Variants in TBC1D5 observed in about 807,000 individuals in gnomAD.
The protein encoded by TBC1D5 is TBC1 domain family member 5.
A neutral mutation model predicts 100.3 loss-of-function variants in TBC1D5; 75 were observed. The ratio of observed to expected loss-of-function variants is 0.75; its 90% CI spans 0.62 to 0.91. TBC1D5 has a LOEUF of 0.91. Ranked by LOEUF, TBC1D5 falls within the 40% of genes least tolerant of loss-of-function variation. The probability of loss-of-function intolerance (pLI) is 0.00; values close to 1 mark genes in which losing one functional copy is unlikely to be tolerated. For synonymous variants in TBC1D5, 323 were observed against 325.6 expected, an observed-to-expected ratio of 0.99 and a Z score of 0.09; for missense variants, 910 against 942.4, an observed-to-expected ratio of 0.97 and a Z score of 0.45.
intron 1 of TBC1D5, among the ~76,000 whole-genome samples, chr3:17,657,391 A>T (rs547386440): frequency 7.1e-6 from 1 of 141,116 alleles, no homozygotes; most frequent in East Asian, 2.1e-4. Flanking sequence ...GCTGGAGTGC[A>T]GTGGCGCAAT....
At chr3:17,293,357 C>G (rs1041721751) in intron 14 of TBC1D5, among the ~76,000 whole-genome samples, 1 of 152,136 alleles carries the variant, frequency 6.6e-6, no homozygotes, top group African/African-American at 2.4e-5. Context: ...CACCTTATAA[C>G]TCAAAAAGTA....
At chr3:17,509,620 A>G (rs891110980) in intron 2 of TBC1D5, among the ~76,000 whole-genome samples, 3 of 152,006 alleles carry the variant, frequency 2.0e-5, no homozygotes, top group African/African-American at 4.8e-5. Flanking sequence ...GTTAATTGTT[A>G]TGACTGTCTT....
At chr3:17,472,365 C>T (rs530866291) in intron 3 of TBC1D5, among the ~76,000 whole-genome samples, 2 of 152,050 alleles carry the variant, frequency 1.3e-5, no homozygotes, top group Non-Finnish European at 2.9e-5. Flanking sequence ...GTCTCGATCT[C>T]TTGACCTCAT....
At chr3:17,253,855 G>A (rs1385314448) in intron 16 of TBC1D5, among the ~76,000 whole-genome samples, 2 of 152,218 alleles carry the variant, frequency 1.3e-5, no homozygotes, top group Non-Finnish European at 2.9e-5. Flanking sequence ...CTACACGGGT[G>A]CACTTACGTG....
At chr3:17,628,244 C>G (rs963944863) in intron 1 of TBC1D5, among the ~76,000 whole-genome samples, 1 of 151,998 alleles carries the variant, frequency 6.6e-6, no homozygotes, top group Non-Finnish European at 1.5e-5. Context: ...GAGGTGGATG[C>G]CTGTAATCCC....
intron 2 of TBC1D5, among the ~76,000 whole-genome samples, chr3:17,531,523 C>T (rs1443344634): frequency 2.0e-5 from 3 of 152,124 alleles, no homozygotes; most frequent in African/African-American, 7.2e-5. Flanking sequence ...GCCCGCATTG[C>T]CAAGTCAATC....
At chr3:17,513,308 G>T (rs1393535508) in intron 2 of TBC1D5, among the ~76,000 whole-genome samples, 1 of 151,638 alleles carries the variant, frequency 6.6e-6, no homozygotes, top group Admixed American at 6.6e-5. Context: ...CTCCAGCCTG[G>T]GCGACAGAGC....
chr3:17,503,685 T>C (rs1459628123), intron 3 of TBC1D5, among the ~76,000 whole-genome samples: 3 of 149,880 alleles, frequency 2.0e-5, no homozygotes, highest in African/African-American at 7.6e-5. Context: ...AAGAATACTA[T>C]CTACACAAAA....
chr3:17,272,331 A>G (rs933141458), intron 15 of TBC1D5, among the ~76,000 whole-genome samples: 1 of 152,238 alleles, frequency 6.6e-6, no homozygotes, highest in Non-Finnish European at 1.5e-5. Flanking sequence ...GTTGTTCTAT[A>G]TAACTGGAAA....
intron 8 of TBC1D5, among the ~76,000 whole-genome samples, chr3:17,393,054 T>TTTTTAATGATCACCATTCTAACA (rs61625784): frequency 6.6e-6 from 1 of 152,094 alleles, no homozygotes; most frequent in African/African-American, 2.4e-5. Context: ...CCATTCTAAC[T>TTTTTAATGATCACCATTCTAACA]GGTGTGTGAT....
intron 2 of TBC1D5, among the ~76,000 whole-genome samples, chr3:17,552,867 A>T (rs1202816134): frequency 6.6e-6 from 1 of 152,156 alleles, no homozygotes; most frequent in Non-Finnish European, 1.5e-5. Context: ...CCAAAGGCAG[A>T]ACTGAGCTTT....
At chr3:17,728,594 G>C (rs1206378139) in intron 1 of TBC1D5, among the ~76,000 whole-genome samples, 1 of 151,882 alleles carries the variant, frequency 6.6e-6, no homozygotes, top group Non-Finnish European at 1.5e-5. Flanking sequence ...TGGGCATTTT[G>C]AATTTAATAA....
At chr3:17,187,538 C>T (rs745431398) in intron 18 of TBC1D5, among the ~76,000 whole-genome samples, 2 of 152,180 alleles carry the variant, frequency 1.3e-5, no homozygotes, top group African/African-American at 4.8e-5. Flanking sequence ...AGAGCCTGAG[C>T]CCTGCCCAAA....
At chr3:17,326,900 T>C (rs951430292) in intron 13 of TBC1D5, among the ~76,000 whole-genome samples, 78 of 152,308 alleles carry the variant, frequency 5.1e-4, no homozygotes, top group African/African-American at 1.7e-3. Flanking sequence ...GCCAAAAACC[T>C]TGGAGTCTTC....
At chr3:17,244,391 G>C (rs2076554556) in intron 16 of TBC1D5, among the ~76,000 whole-genome samples, 1 of 152,144 alleles carries the variant, frequency 6.6e-6, no homozygotes, top group African/African-American at 2.4e-5. Context: ...AGAAATGCCA[G>C]TCAAACCCCA....
At chr3:17,245,937 AG>A (rs2076700304) in intron 16 of TBC1D5, among the ~76,000 whole-genome samples, 1 of 152,214 alleles carries the variant, frequency 6.6e-6, no homozygotes, top group African/African-American at 2.4e-5. Flanking sequence ...TTTCTGGCCT[AG>A]ACTAACACAT....
At chr3:17,559,728 T>G (rs1468830079) in intron 2 of TBC1D5, among the ~76,000 whole-genome samples, 1 of 151,992 alleles carries the variant, frequency 6.6e-6, no homozygotes, top group Non-Finnish European at 1.5e-5. Context: ...TAGCTGGGAT[T>G]ACAGGCGCCC....
At chr3:17,192,981 C>T (rs1168267610) in intron 18 of TBC1D5, among the ~76,000 whole-genome samples, 1 of 152,254 alleles carries the variant, frequency 6.6e-6, no homozygotes, top group African/African-American at 2.4e-5. Flanking sequence ...CTATTGAAGG[C>T]TACAGCAAAG....
chr3:17,194,848 T>C (rs769852997), intron 18 of TBC1D5, among the ~76,000 whole-genome samples: 27 of 152,260 alleles, frequency 1.8e-4, no homozygotes, highest in Middle Eastern at 3.4e-3. Flanking sequence ...CTACAAAAAA[T>C]AATAAAGTAA....
Sources: gnomAD v4.1 joint callset for allele counts (sites outside exome capture counted in the v4.1 genomes callset) on GRCh38, gnomAD v4.1.1 for gene constraint, MANE v1.5 for transcripts, NCBI Gene and HGNC (gene_info 2026-07-23, HGNC 2026-07-21) for gene names.